The following STRN3 variants were observed in gnomAD, a reference collection of about 807,000 sequenced individuals.
STRN3 encodes striatin-3.
In STRN3, 29 loss-of-function variants were observed where a neutral mutation model predicts 95.6. That is an observed-to-expected ratio of 0.30 (90% confidence interval 0.23 to 0.41). The LOEUF is 0.41. STRN3 is among the 10% of genes least tolerant of loss of function. STRN3 has a pLI of 1.00. For missense variants in STRN3, 890 were observed against 972.1 expected (o/e 0.92, Z 1.12); for synonymous variants, 331 against 357.6 (o/e 0.93, Z 0.84).
At chr14:31,012,126 G>T (rs566601065) in intron 1 of STRN3, among the ~76,000 whole-genome samples, 66 of 152,258 alleles carry the variant, frequency 4.3e-4, no homozygotes, top group Middle Eastern at 6.8e-3. Flanking sequence ...ACTATTCCAG[G>T]CCACTGTGAA....
intron 1 of STRN3, chr14:31,025,532 C>T: frequency 3.8e-6 from 1 of 263,810 alleles, no homozygotes; most frequent in Non-Finnish European, 7.4e-6. Flanking sequence ...GAGGAACAAA[C>T]AAGAGCAAAC....
chr14:30,975,320 T>C (rs766465407), intron 1 of STRN3, among the ~76,000 whole-genome samples: 30 of 151,020 alleles, frequency 2.0e-4, no homozygotes, highest in Non-Finnish European at 3.1e-4. Context: ...AAACCAAGCA[T>C]TGTATGTTCT....
intron 8 of STRN3, among the ~76,000 whole-genome samples, chr14:30,919,890 T>C (rs1020459984): frequency 6.6e-6 from 1 of 152,098 alleles, no homozygotes; most frequent in African/African-American, 2.4e-5. Flanking sequence ...ACTTTAGAAA[T>C]AGCAGAATTA....
At chr14:30,926,096 A>C (rs1001632830) in intron 8 of STRN3, among the ~76,000 whole-genome samples, 1 of 152,110 alleles carries the variant, frequency 6.6e-6, no homozygotes, top group African/African-American at 2.4e-5. Flanking sequence ...CAACATTTTC[A>C]CACTGAATTC....
intron 8 of STRN3, among the ~76,000 whole-genome samples, chr14:30,926,969 T>C (rs556684779): frequency 1.3e-5 from 2 of 152,168 alleles, no homozygotes; most frequent in Admixed American, 1.3e-4. Context: ...ATGATGGTAG[T>C]AGGCAAATTA....
At chr14:31,017,185 T>A (rs1239040109) in intron 1 of STRN3, among the ~76,000 whole-genome samples, 1 of 151,148 alleles carries the variant, frequency 6.6e-6, no homozygotes, top group African/African-American at 2.4e-5. Context: ...GTAACAACTA[T>A]TTACATAGCA....
rs60973309 is a variant in STRN3 at position 30,992,976 on chromosome 14, G to A, written c.282+32928C>T. 2.9e-3 allele frequency among the ~76,000 whole-genome samples: 442 copies of A among 152,256 alleles called. 5 individuals are homozygous for A. Among genetic ancestry groups the A allele is most frequent in the African/African-American group, 0.01 (419 of 41,536 alleles). The stretch of plus-strand genomic sequence containing the variant: ...GAGTAGCTAGGACATAGGTGGGTGT[G>A]CCATTGTTCCCAGCTAGATATTTCA... On this transcript the variant is annotated intron_variant, in intron 1 of 17. Transcript: ENST00000357479.
intron 8 of STRN3, among the ~76,000 whole-genome samples, chr14:30,927,436 G>A (rs1878238359): frequency 6.6e-6 from 1 of 151,804 alleles, no homozygotes; most frequent in African/African-American, 2.4e-5. Flanking sequence ...CATCTTATTT[G>A]TAGACCTCAA....
chr14:30,905,381 C>A, intron 15 of STRN3, 37 bp downstream of exon 15: 1 of 1,554,506 alleles, frequency 6.4e-7, no homozygotes, highest in South Asian at 1.3e-5. Context: ...TGTAATAACC[C>A]TTTTTAAGGT....
At chr14:30,966,693 C>T (rs1209786107) in intron 1 of STRN3, among the ~76,000 whole-genome samples, 1 of 152,138 alleles carries the variant, frequency 6.6e-6, no homozygotes. Flanking sequence ...TGTGTGCGTG[C>T]GTGAATGATC....
chr14:30,919,193 C>T (rs1384436479), intron 8 of STRN3, 87 bp from the exon 9 acceptor site: 2 of 1,340,818 alleles, frequency 1.5e-6, no homozygotes, highest in African/African-American at 1.5e-5. Context: ...ATTAACAAAA[C>T]AGACTATTAA....
Position 31,026,149 on chromosome 14 carries a change from C to T in STRN3, c.37G>A (p.Gly13Arg), listed in dbSNP as rs752449215. 59 of 1,489,828 alleles carry T rather than the reference C, an allele frequency of 4.0e-5. No homozygotes were observed. In the South Asian group the frequency reaches 7.1e-4, roughly 18 times the overall value. The allele number at this position is 1,489,828 out of a possible 1,614,324, so 92.3% of individuals were successfully genotyped here. The stretch of plus-strand genomic sequence containing the variant: ...TGCTGCCGGGGAGGGGCCGCCATCC[C>T]CGGGCCGCCACCACCGCCTCCGGCA... ...ELAGGGGGGP[G>R]MAAPPRQQQG... is the part of the protein sequence containing the mutation. The change falls in exon 1 of 18, where the codon GGG becomes AGG. Residue 13 changes from glycine (G) to arginine (R), a missense_variant. Physicochemically the swap from Gly to Arg is moderately radical, Grantham distance 125. Coordinates refer to ENST00000357479, the MANE Select transcript of STRN3 (RefSeq NM_001083893.2).
At chr14:30,904,742 CTTACAAATTACTTATGAAGTA>C in intron 15 of STRN3, among the ~76,000 whole-genome samples, 1 of 151,952 alleles carries the variant, frequency 6.6e-6, no homozygotes, top group Non-Finnish European at 1.5e-5. Context: ...CTGATAAAAG[CTTACAAATTACTTATGAAGTA>C]AAGTTGCCAA....
intron 1 of STRN3, among the ~76,000 whole-genome samples, chr14:31,005,027 G>C (rs1882650915): frequency 6.6e-6 from 1 of 151,950 alleles, no homozygotes; most frequent in African/African-American, 2.4e-5. Flanking sequence ...ATGGTAATCC[G>C]CATGTTGCAA....
chr14:30,990,983 T>A (rs1881925118), intron 1 of STRN3, among the ~76,000 whole-genome samples: 1 of 152,220 alleles, frequency 6.6e-6, no homozygotes, highest in Non-Finnish European at 1.5e-5. Flanking sequence ...GAGGGGCAGC[T>A]GTACCAGAAA....
At chr14:31,013,315 G>A (rs1338486522) in intron 1 of STRN3, among the ~76,000 whole-genome samples, 5 of 151,776 alleles carry the variant, frequency 3.3e-5, no homozygotes, top group African/African-American at 9.7e-5. Flanking sequence ...AGAGGTCGCA[G>A]CCAGCCAAGA....
chr14:30,972,082 AAT>A lies in STRN3; in HGVS notation c.283-15842_283-15841del, dbSNP rs563684887. 5.8e-4 allele frequency among the ~76,000 whole-genome samples: 89 copies of A among 152,334 alleles called. 1 individual carries two copies. In the Middle Eastern group the frequency reaches 0.01, roughly 17 times the overall value. On this transcript the variant is annotated intron_variant, in intron 1 of 17. Coordinates refer to ENST00000357479, the MANE Select transcript of STRN3 (RefSeq NM_001083893.2). The stretch of plus-strand genomic sequence containing the variant: ...ATGAGTTCTAAATTTCTTTTCAAAG[AAT>A]ATGTCAGTATGTTCAATTCTTTGCC...
intron 9 of STRN3, 85 bp from the exon 10 acceptor site, chr14:30,913,742 G>C (rs1896665497): frequency 7.1e-7 from 1 of 1,406,894 alleles, no homozygotes. Flanking sequence ...GCACTTAACA[G>C]TTACAATATT....
At position 30,924,287 on chromosome 14, in the gene STRN3, C is replaced by CTTTTTTTTTTTTTTTTT. The variant is rs71112354; in HGVS notation, c.1099+4897_1099+4913dup. ...AGGTACAATGGCTCATGCCTTAAAT[C>CTTTTTTTTTTTTTTTTT]TTTTTTTTTTTTTTTTTTTTGAGAT... On this transcript the variant is annotated intron_variant, in intron 8 of 17. Transcript: ENST00000357479. 1.4e-3 allele frequency among the ~76,000 whole-genome samples: 106 copies of CTTTTTTTTTTTTTTTTT among 77,240 alleles called. 23 individuals carry two copies. The highest frequency in any genetic ancestry group is 2.9e-3 in the East Asian group (8 of 2,716). The allele number at this position is 77,240 out of a possible 152,430, so 50.7% of individuals were successfully genotyped here.
Sources: allele counts gnomAD v4.1 joint callset (sites outside exome capture counted in the v4.1 genomes callset), GRCh38; gene constraint gnomAD v4.1.1; transcripts MANE v1.5; gene names NCBI Gene and HGNC (gene_info 2026-07-23, HGNC 2026-07-21).